ZMYM5: variants seen among roughly 807,000 people sequenced by gnomAD.
ZMYM5 encodes the protein zinc finger MYM-type protein 5.
A neutral mutation model predicts 61.8 loss-of-function variants in ZMYM5; 41 were observed. The ratio of observed to expected loss-of-function variants is 0.66; its 90% CI spans 0.52 to 0.86. ZMYM5 has a LOEUF of 0.86. Among genes scored for constraint, ZMYM5 ranks in the 40% least tolerant of loss-of-function variants. The pLI, the probability that ZMYM5 is intolerant of heterozygous loss-of-function variation, is 0.00. For synonymous variants in ZMYM5, 257 were observed against 276.4 expected (o/e 0.93, Z 0.70); for missense variants, 706 against 786.7 (o/e 0.90, Z 1.23).
chr13:19,844,010 C>T (rs974662893), intron 4 of ZMYM5, among the ~76,000 whole-genome samples: 28 of 151,704 alleles, frequency 1.8e-4, no homozygotes, highest in African/African-American at 5.8e-4. Flanking sequence ...TGGTGGCAGG[C>T]GCCTGTAGTC....
At chr13:19,860,148 TG>T (rs1232576346) in intron 2 of ZMYM5, among the ~76,000 whole-genome samples, 2 of 142,728 alleles carry the variant, frequency 1.4e-5, no homozygotes, top group African/African-American at 2.6e-5. Context: ...GAATTATAGA[TG>T]GAGTCTCACT....
At chr13:19,856,908 C>T (rs1953534722) in intron 2 of ZMYM5, among the ~76,000 whole-genome samples, 1 of 152,060 alleles carries the variant, frequency 6.6e-6, no homozygotes, top group African/African-American at 2.4e-5. Flanking sequence ...AGATCGAGAC[C>T]AGCCTGGCTA....
chr13:19,837,879 ATATAT>A (rs1952726333), intron 5 of ZMYM5, 58 bp from the exon 6 acceptor site: 1 of 1,501,274 alleles, frequency 6.7e-7, no homozygotes, highest in African/African-American at 1.5e-5. Flanking sequence ...TACAAGTCAA[ATATAT>A]TAATAATAAT....
chr13:19,853,917 G>A (rs1422492474), intron 2 of ZMYM5, among the ~76,000 whole-genome samples: 9 of 152,056 alleles, frequency 5.9e-5, no homozygotes, highest in Admixed American at 2.0e-4. Flanking sequence ...ACTTGAGAGT[G>A]AAAGGGGTGG....
chr13:19,851,275 A>C, intron 4 of ZMYM5, 80 bp downstream of exon 4: 1 of 1,270,508 alleles, frequency 7.9e-7, no homozygotes, highest in Non-Finnish European at 1.1e-6. Context: ...GAATGTGAAT[A>C]AAATAGATAT....
intron 2 of ZMYM5, among the ~76,000 whole-genome samples, chr13:19,860,658 G>A (rs1196377158): frequency 2.0e-5 from 3 of 151,524 alleles, no homozygotes; most frequent in East Asian, 1.9e-4. Flanking sequence ...GGCTAGTCTC[G>A]AACTTCTGAC....
intron 4 of ZMYM5, among the ~76,000 whole-genome samples, chr13:19,840,852 T>C (rs1171517292): frequency 6.6e-6 from 1 of 152,086 alleles, no homozygotes; most frequent in Admixed American, 6.5e-5. Flanking sequence ...TAATTTTTTG[T>C]ATTTTTAGTA....
chr13:19,830,781 C>G (rs1007156068), intron 7 of ZMYM5, among the ~76,000 whole-genome samples: 75 of 151,992 alleles, frequency 4.9e-4, no homozygotes, highest in African/African-American at 1.6e-3. Context: ...TCGCCTCAGC[C>G]TCCACAGGCA....
chr13:19,837,380 C>A, intron 6 of ZMYM5: 1 of 1,389,048 alleles, frequency 7.2e-7, no homozygotes. Flanking sequence ...TATTTAATGT[C>A]ATCAGTAATA....
chr13:19,832,083 T>A (rs1327624658), intron 7 of ZMYM5, among the ~76,000 whole-genome samples: 1 of 150,820 alleles, frequency 6.6e-6, no homozygotes, highest in Non-Finnish European at 1.5e-5. Context: ...GTCTCGAACT[T>A]CTGACCTCAG....
At chr13:19,825,366 C>T (rs1435536318) in intron 7 of ZMYM5, 131 bp from the exon 8 acceptor site, 17 of 891,566 alleles carry the variant, frequency 1.9e-5, no homozygotes, top group East Asian at 1.4e-4. Context: ...CGACGACGGT[C>T]GGGTGCGGTG....
At chr13:19,860,101 CAAAAA>C (rs537760988) in intron 2 of ZMYM5, among the ~76,000 whole-genome samples, 2 of 31,332 alleles carry the variant, frequency 6.4e-5, no homozygotes, top group Non-Finnish European at 1.2e-4. Context: ...AAGACTGTCT[CAAAAA>C]AAAAAAAAAA....
chr13:19,850,487 G>A (rs1953248024), intron 4 of ZMYM5, among the ~76,000 whole-genome samples: 1 of 152,034 alleles, frequency 6.6e-6, no homozygotes, highest in Non-Finnish European at 1.5e-5. Flanking sequence ...TGTAATCCCA[G>A]CTACCTGGGA....
At chr13:19,854,554 G>A (rs1037709362) in intron 2 of ZMYM5, among the ~76,000 whole-genome samples, 1 of 151,202 alleles carries the variant, frequency 6.6e-6, no homozygotes, top group South Asian at 2.1e-4. Context: ...GAACCCGGGA[G>A]GCAGAGGAGG....
chr13:19,824,997 G>A lies in ZMYM5; in HGVS notation c.1490C>T (p.Ala497Val), dbSNP rs200723443. Residue 497 changes from alanine to valine, a missense_variant, in exon 8 of 8, where the codon GCT (alanine) becomes GTT (valine). Coordinates refer to ENST00000337963, the MANE Select transcript of ZMYM5 (RefSeq NM_001142684.2). Reference protein sequence around the residue: ...NLPPSSTSTIADTFQEQLEEK... With the variant: ...NLPPSSTSTIVDTFQEQLEEK... ...TTCCAGTTGCTCTTGAAATGTATCA[G>A]CTATGGTTGACGTGGAAGAAGGAGG... 1 of 1,367,416 alleles carries A rather than the reference G, an allele frequency of 7.3e-7. No individual in the cohort carries two copies. The highest frequency in any genetic ancestry group is 9.8e-7 in the Non-Finnish European group (1 of 1,021,762). The allele number at this position is 1,367,416 out of a possible 1,614,324, so 84.7% of individuals were successfully genotyped here.
intron 7 of ZMYM5, among the ~76,000 whole-genome samples, chr13:19,826,161 G>A (rs1012109798): frequency 3.3e-5 from 5 of 151,338 alleles, no homozygotes; most frequent in Non-Finnish European, 7.4e-5. Flanking sequence ...TTTGAAAACT[G>A]TCTGGCTCAA....
rs1314216796 is a variant in ZMYM5, at chr13:19,824,484, T to C, written c.2003A>G (p.Tyr668Cys). ...AAAAACAACTCAGGTATATTACGTG[T>C]ACAACAACAGCACACCATCATTTTT... is the stretch of plus-strand genomic sequence containing the variant. ...NEKNDGVLLLYT is the reference protein window; with the variant it reads ...NEKNDGVLLLCT Residue 668 changes from tyrosine to cysteine, a missense_variant, in exon 8 of 8, where the codon TAC becomes TGC. By Grantham distance (194) the Tyr-to-Cys change is radical. Around this residue, in one of 2 missense-constraint regions of ZMYM5, gnomAD observed 226 missense variants for 325.0 expected, o/e 0.70. Transcript: ENST00000337963. The C allele has an allele frequency of 1.5e-6, 2 of 1,299,132 alleles. No individual in the cohort carries two copies. Among genetic ancestry groups the C allele is most frequent in the Non-Finnish European group, 2.0e-6 (2 of 995,854 alleles). 80.5% of individuals were successfully genotyped at this position (1,299,132 alleles called of 1,614,324 possible). A position where few individuals can be genotyped will look rare whatever the true frequency, so the allele number is the denominator to read the frequency against.
chr13:19,852,544 C>G (rs1435987022), intron 2 of ZMYM5, among the ~76,000 whole-genome samples: 1 of 152,082 alleles, frequency 6.6e-6, no homozygotes, highest in African/African-American at 2.4e-5. Flanking sequence ...ATGCTTTTAC[C>G]TACTACAGCA....
At position 19,837,835 on chromosome 13, in the gene ZMYM5, G is replaced by A; in HGVS notation, c.873-14C>T. On this transcript the variant is annotated splice_polypyrimidine_tract_variant and intron_variant, in intron 5 of 7. Transcript: ENST00000337963. ...GTAGATGCATCTCTGAAACAGAAGGGATAGACACATAATTTAAGAACACTG... is the reference window on the plus strand; with the variant it reads ...GTAGATGCATCTCTGAAACAGAAGGAATAGACACATAATTTAAGAACACTG... The A allele has an allele frequency of 6.4e-7, 1 of 1,571,680 alleles. No individual in the cohort carries two copies. The highest frequency in any genetic ancestry group is 1.2e-5 in the South Asian group (1 of 82,206).
Sources: gnomAD v4.1 joint callset for allele counts (sites outside exome capture counted in the v4.1 genomes callset) on GRCh38, gnomAD v4.1.1 for gene constraint, gnomAD v4.1.1 regional missense constraint, MANE v1.5 for transcripts, NCBI Gene and HGNC (gene_info 2026-07-23, HGNC 2026-07-21) for gene names.